Variants in CATSPERD observed in about 807,000 individuals in gnomAD.
CATSPERD encodes the protein cation channel sperm-associated auxiliary subunit delta.
Under a neutral mutation model 98.1 loss-of-function variants are expected in CATSPERD, and 86 were observed. The ratio of observed to expected loss-of-function variants is 0.88; its 90% CI spans 0.74 to 1.05. The LOEUF (loss-of-function observed/expected upper bound fraction) is 1.05. CATSPERD is among the 50% of genes least tolerant of loss of function. The pLI is 0.00. For synonymous variants in CATSPERD, 394 were observed against 390.2 expected (o/e 1.01, Z -0.12); for missense variants, 995 against 1,005.7 (o/e 0.99, Z 0.14).
chr19:5,776,402 G>A, intron 21 of CATSPERD, 87 bp downstream of exon 21: 2 of 1,477,880 alleles, frequency 1.4e-6, no homozygotes, highest in East Asian at 2.3e-5. Flanking sequence ...GCAGGTCCTG[G>A]CTAAACCTGA....
chr19:5,768,784 G>A (rs1469594089), intron 18 of CATSPERD, among the ~76,000 whole-genome samples: 1 of 152,092 alleles, frequency 6.6e-6, no homozygotes, highest in Non-Finnish European at 1.5e-5. Context: ...CCGGCTCAGT[G>A]AGCATGTACT....
At chr19:5,750,476 A>T (rs1477061652) in intron 11 of CATSPERD, among the ~76,000 whole-genome samples, 1 of 129,652 alleles carries the variant, frequency 7.7e-6, no homozygotes, top group Non-Finnish European at 1.6e-5. Flanking sequence ...AAAAAAAAGG[A>T]ATTATTTTGG....
chr19:5,772,518 CG>C (rs1180428125), intron 19 of CATSPERD: 2 of 401,152 alleles, frequency 5.0e-6, no homozygotes, highest in Non-Finnish European at 9.1e-6. Context: ...TGAGCCGCCG[CG>C]CCTAGCTCCG....
In CATSPERD at chr19:5,773,022, G is replaced by A. The variant is rs1228226553; in HGVS notation, c.1941+57G>A. ...ATCAGCAGCCCACCAGGGGGTGGGA[G>A]AGTGCGTGAGGACACCGTGCGGCCA... On this transcript the variant is annotated intron_variant, in intron 20 of 21. Transcript: ENST00000381624. The A allele has an allele frequency of 3.2e-6, 5 of 1,546,656 alleles. No individual in the cohort carries two copies. The Admixed American group carries it at 8.9e-5, about 28-fold the overall frequency.
chr19:5,769,436 T>C (rs1042540964), intron 18 of CATSPERD, among the ~76,000 whole-genome samples: 7 of 152,066 alleles, frequency 4.6e-5, no homozygotes, highest in African/African-American at 1.7e-4. Flanking sequence ...AGCTCTGCCG[T>C]TGTGGCCTAA....
intron 20 of CATSPERD, chr19:5,775,215 T>C: frequency 2.1e-6 from 1 of 470,554 alleles, no homozygotes; most frequent in Non-Finnish European, 4.4e-6. Flanking sequence ...GGAACGAATG[T>C]AGAAATGAAA....
rs2056235291 is a variant in CATSPERD, at chr19:5,752,252, T to C, written c.1164+429T>C. On this transcript the variant is annotated intron_variant, in intron 12 of 21. Transcript: ENST00000381624. ...TTAACCTGGGAGGCAGAGGTTGCAA[T>C]GAGCCGAGATCACACCACTGCACTC... 2.6e-5 allele frequency among the ~76,000 whole-genome samples: 4 copies of C among 151,486 alleles called. No individual in the cohort carries two copies. In the South Asian group the frequency reaches 6.3e-4, roughly 24 times the overall value.
chr19:5,749,065 T>A, intron 10 of CATSPERD, 36 bp from the exon 11 acceptor site: 1 of 1,571,856 alleles, frequency 6.4e-7, no homozygotes, highest in South Asian at 1.1e-5. Context: ...TGACCAGCAT[T>A]TCAATTTTTG....
At chr19:5,766,363 A>G (rs952826069) in intron 17 of CATSPERD, among the ~76,000 whole-genome samples, 1 of 149,972 alleles carries the variant, frequency 6.7e-6, no homozygotes, top group Non-Finnish European at 1.5e-5. Flanking sequence ...AGGCTGGAGG[A>G]TCACTTGAAC....
At chr19:5,734,041 G>C in intron 5 of CATSPERD, 71 bp downstream of exon 5, 1 of 890,654 alleles carries the variant, frequency 1.1e-6, no homozygotes, top group Non-Finnish European at 1.7e-6. Context: ...ATTAGTGTTG[G>C]AAGTATAAGC....
At chr19:5,744,596 TA>T in intron 8 of CATSPERD, 86 bp downstream of exon 8, 2 of 878,634 alleles carry the variant, frequency 2.3e-6, no homozygotes, top group South Asian at 1.7e-5. Context: ...TTTAAACATT[TA>T]TTTATTTATT....
intron 19 of CATSPERD, among the ~76,000 whole-genome samples, chr19:5,771,632 A>G (rs1326509893): frequency 1.3e-5 from 2 of 148,764 alleles, no homozygotes; most frequent in Non-Finnish European, 3.0e-5. Flanking sequence ...GTGCAATGAC[A>G]TGATCTTGGC....
intron 3 of CATSPERD, among the ~76,000 whole-genome samples, chr19:5,727,774 GCAGGTTAGGAAAC>G (rs1257992114): frequency 6.6e-6 from 1 of 152,102 alleles, no homozygotes; most frequent in African/African-American, 2.4e-5. Context: ...CGTAAGGGTA[GCAGGTTAGGAAAC>G]CAGGTATGTC....
At chr19:5,725,152 T>C (rs1188328468) in intron 2 of CATSPERD, among the ~76,000 whole-genome samples, 1 of 152,104 alleles carries the variant, frequency 6.6e-6, no homozygotes, top group Non-Finnish European at 1.5e-5. Flanking sequence ...CTCTCTCAGA[T>C]AGGAGATTTT....
At chr19:5,733,749 C>G (rs1476669836) in intron 4 of CATSPERD, 107 bp from the exon 5 acceptor site, 2 of 766,146 alleles carry the variant, frequency 2.6e-6, no homozygotes, top group Non-Finnish European at 4.3e-6. Context: ...GGCCACCGCG[C>G]CCGTCCATAC....
chr19:5,742,684 AC>A (rs1170521129), intron 7 of CATSPERD, among the ~76,000 whole-genome samples: 2 of 152,044 alleles, frequency 1.3e-5, no homozygotes, highest in African/African-American at 4.8e-5. Flanking sequence ...GGTCCCAGCT[AC>A]TCAGGGGGCT....
chr19:5,729,760 T>G (rs1249304189), intron 3 of CATSPERD, 112 bp from the exon 4 acceptor site: 1 of 630,980 alleles, frequency 1.6e-6, no homozygotes, highest in Admixed American at 3.1e-5. Flanking sequence ...AAATGACTCC[T>G]GGTTACAATA....
chr19:5,734,411 G>A (rs1017199655), intron 5 of CATSPERD, among the ~76,000 whole-genome samples: 18 of 152,146 alleles, frequency 1.2e-4, no homozygotes, highest in Non-Finnish European at 2.4e-4. Context: ...GACTGAGGCG[G>A]GCGGATCATC....
intron 7 of CATSPERD, among the ~76,000 whole-genome samples, chr19:5,740,230 A>G (rs1383953917): frequency 1.3e-5 from 2 of 148,716 alleles, no homozygotes; most frequent in African/African-American, 2.5e-5. Flanking sequence ...GCGGTGAGCC[A>G]AGATCACACC....
Sources: allele counts gnomAD v4.1 joint callset (sites outside exome capture counted in the v4.1 genomes callset), GRCh38; gene constraint gnomAD v4.1.1; transcripts MANE v1.5; gene names NCBI Gene and HGNC (gene_info 2026-07-23, HGNC 2026-07-21).